ENTREP2: variants seen among roughly 807,000 people sequenced by gnomAD.
ENTREP2 encodes the protein endosomal transmembrane epsin interactor 2.
chr15:29,208,575 C>T, the ENTREP2 span, among the ~76,000 whole-genome samples: 1 of 152,308 alleles, frequency 6.6e-6, no homozygotes, highest in African/African-American at 2.4e-5. Context: ...GTAAACAGAA[C>T]TCACATACAC....
the ENTREP2 span, among the ~76,000 whole-genome samples, chr15:29,315,850 C>G: frequency 1.3e-5 from 2 of 152,156 alleles, no homozygotes; most frequent in South Asian, 4.2e-4. Flanking sequence ...ACAGACTGAC[C>G]CCACGCGATA....
chr15:29,587,934 CAGGTGTG>C, the ENTREP2 span, among the ~76,000 whole-genome samples: 1 of 152,198 alleles, frequency 6.6e-6, no homozygotes, highest in Non-Finnish European at 1.5e-5. Flanking sequence ...GCTGGAATTA[CAGGTGTG>C]AGCCACCACG....
chr15:29,309,570 A>C, the ENTREP2 span, among the ~76,000 whole-genome samples: 1 of 152,150 alleles, frequency 6.6e-6, no homozygotes, highest in Non-Finnish European at 1.5e-5. Context: ...ACTTGAGGTC[A>C]GGAGTTTGAG....
chr15:29,179,095 C>T, the ENTREP2 span, among the ~76,000 whole-genome samples: 1 of 152,228 alleles, frequency 6.6e-6, no homozygotes, highest in Non-Finnish European at 1.5e-5. Context: ...CTCGAAATAA[C>T]AGGCTAAATT....
the ENTREP2 span, among the ~76,000 whole-genome samples, chr15:29,639,970 C>T: frequency 1.3e-5 from 2 of 151,976 alleles, no homozygotes; most frequent in African/African-American, 2.4e-5. Context: ...GGTTTCACCA[C>T]GTTGGCCAGG....
chr15:29,174,820 T>C, the ENTREP2 span, among the ~76,000 whole-genome samples: 1 of 152,124 alleles, frequency 6.6e-6, no homozygotes, highest in Non-Finnish European at 1.5e-5. Flanking sequence ...ATCTATTTCA[T>C]AGGTAGAATT....
At chr15:29,161,544 A>T in the ENTREP2 span, among the ~76,000 whole-genome samples, 1 of 152,220 alleles carries the variant, frequency 6.6e-6, no homozygotes, top group East Asian at 1.9e-4. Context: ...AAAAGCTCAG[A>T]CCCTGCAGTT....
chr15:29,255,925 C>T, the ENTREP2 span, among the ~76,000 whole-genome samples: 233 of 150,338 alleles, frequency 1.5e-3, 4 homozygotes, highest in Admixed American at 0.013. Flanking sequence ...AGCATGAACC[C>T]GGGAGGCGGA....
the ENTREP2 span, among the ~76,000 whole-genome samples, chr15:29,661,060 T>G: frequency 2.2e-4 from 22 of 100,930 alleles, no homozygotes; most frequent in African/African-American, 1.6e-3. Context: ...AATTACAGCA[T>G]TTTTTTGCTG....
At chr15:29,518,836 C>T in the ENTREP2 span, among the ~76,000 whole-genome samples, 2 of 152,184 alleles carry the variant, frequency 1.3e-5, no homozygotes, top group African/African-American at 2.4e-5. Flanking sequence ...CCTGACAAAG[C>T]CTCTTATGGC....
chr15:29,119,633 T>A, the ENTREP2 span, among the ~76,000 whole-genome samples: 4 of 89,730 alleles, frequency 4.5e-5, 1 homozygote, highest in Non-Finnish European at 6.1e-5. Flanking sequence ...AATAAATAAA[T>A]AAAATAAAAT....
chr15:29,170,426 A>G, the ENTREP2 span, among the ~76,000 whole-genome samples: 2 of 152,212 alleles, frequency 1.3e-5, no homozygotes, highest in African/African-American at 4.8e-5. Context: ...AGTAGCCAAG[A>G]ATAAATATAG....
chr15:29,289,896 G>A, the ENTREP2 span, among the ~76,000 whole-genome samples: 1 of 152,098 alleles, frequency 6.6e-6, no homozygotes, highest in Non-Finnish European at 1.5e-5. Flanking sequence ...AGCATTATTT[G>A]TAATAGTCAC....
At chr15:29,620,263 T>C in the ENTREP2 span, among the ~76,000 whole-genome samples, 2 of 152,180 alleles carry the variant, frequency 1.3e-5, no homozygotes, top group African/African-American at 2.4e-5. Flanking sequence ...AGCTGGTGCC[T>C]TTGCCATGGA....
At chr15:29,200,619 C>G in the ENTREP2 span, among the ~76,000 whole-genome samples, 1 of 151,750 alleles carries the variant, frequency 6.6e-6, no homozygotes, top group Non-Finnish European at 1.5e-5. Flanking sequence ...TGTGCAATTG[C>G]GTGATCTCAC....
the ENTREP2 span, among the ~76,000 whole-genome samples, chr15:29,546,232 A>C: frequency 6.6e-6 from 1 of 152,236 alleles, no homozygotes; most frequent in African/African-American, 2.4e-5. Flanking sequence ...CTGTAATATT[A>C]AAGCAAGCAT....
the ENTREP2 span, among the ~76,000 whole-genome samples, chr15:29,159,428 A>C: frequency 6.6e-6 from 1 of 152,178 alleles, no homozygotes; most frequent in African/African-American, 2.4e-5. Flanking sequence ...CTTCCACAGC[A>C]TAGAAAAGGA....
the ENTREP2 span, among the ~76,000 whole-genome samples, chr15:29,164,569 A>G: frequency 6.6e-6 from 1 of 152,238 alleles, no homozygotes; most frequent in Non-Finnish European, 1.5e-5. Context: ...AATATCAGTT[A>G]AAAGAGACAA....
chr15:29,490,377 A>C, the ENTREP2 span, among the ~76,000 whole-genome samples: 9,100 of 152,204 alleles, frequency 0.06, 336 homozygotes, highest in Non-Finnish European at 0.073. Context: ...GAAAGAACAA[A>C]ACCTCCACAA....
Sources: gnomAD v4.1 joint callset for allele counts (sites outside exome capture counted in the v4.1 genomes callset) on GRCh38, gnomAD v4.1.1 for gene constraint, MANE v1.5 for transcripts, NCBI Gene and HGNC (gene_info 2026-07-23, HGNC 2026-07-21) for gene names.